Variants in PDGFRA observed in about 807,000 individuals in gnomAD.
PDGFRA encodes platelet-derived growth factor receptor alpha.
Under a neutral mutation model 121.5 loss-of-function variants are expected in PDGFRA, and 25 were observed. That is an observed-to-expected ratio of 0.21 (90% confidence interval 0.15 to 0.29). The LOEUF is 0.29. Ranked by LOEUF, PDGFRA falls within the 10% of genes least tolerant of loss-of-function variation. The probability of loss-of-function intolerance (pLI) is 1.00; values close to 1 mark genes in which losing one functional copy is unlikely to be tolerated. For missense variants in PDGFRA, 1,008 were observed against 1,345.1 expected (o/e 0.75, Z 3.92); for synonymous variants, 463 against 494.8 (o/e 0.94, Z 0.85).
rs2110287626 is a variant in PDGFRA, at chr4:54,272,531, C to A, written c.1364+11C>A. 1.2e-6 allele frequency: 2 copies of A among 1,613,094 alleles called. No homozygotes were observed. ...CAAAGATATTAAGAAGTATGGAAAA[C>A]AGATGTGTCTTCTTCTTTCGTGGTC... On this transcript the variant is annotated intron_variant, in intron 9 of 22. Coordinates refer to ENST00000257290, the MANE Select transcript of PDGFRA (RefSeq NM_006206.6).
intron 4 of PDGFRA, chr4:54,264,524 G>A (rs1722927336): frequency 3.5e-6 from 1 of 285,718 alleles, no homozygotes; most frequent in Non-Finnish European, 6.7e-6. Context: ...CAGAGTGGAA[G>A]AGAAGAAGAG....
intron 7 of PDGFRA, among the ~76,000 whole-genome samples, chr4:54,269,282 C>T (rs1372630089): frequency 6.6e-6 from 1 of 152,114 alleles, no homozygotes; most frequent in Non-Finnish European, 1.5e-5. Flanking sequence ...AATGCTTTCA[C>T]ACATACAATC....
rs948254930 is a variant in PDGFRA at position 54,270,897 on chromosome 4, G to A, written c.1237+149G>A. On this transcript the variant is annotated intron_variant, in intron 8 of 22. Coordinates refer to ENST00000257290, the MANE Select transcript of PDGFRA (RefSeq NM_006206.6). ...TATGTCACATATCGGGAATACCTCTGCTGGACTCATGAATTCAGGTATTTC... is the reference window on the plus strand; with the variant it reads ...TATGTCACATATCGGGAATACCTCTACTGGACTCATGAATTCAGGTATTTC... 1.9e-5 allele frequency: 13 copies of A among 678,812 alleles called. No individual in the cohort carries two copies. The Admixed American group carries it at 2.5e-4, about 13-fold the overall frequency. 42.0% of individuals were successfully genotyped at this position (678,812 alleles called of 1,614,324 possible). A position where few individuals can be genotyped will look rare whatever the true frequency, so the allele number is the denominator to read the frequency against.
At chr4:54,236,555 G>C (rs1360375202) in intron 1 of PDGFRA, among the ~76,000 whole-genome samples, 6 of 152,200 alleles carry the variant, frequency 3.9e-5, no homozygotes, top group Non-Finnish European at 8.8e-5. Flanking sequence ...TGTAATCCCA[G>C]CACTTTGGGA....
chr4:54,253,228 A>C (rs1722157323), intron 1 of PDGFRA, among the ~76,000 whole-genome samples: 1 of 152,148 alleles, frequency 6.6e-6, no homozygotes, highest in African/African-American at 2.4e-5. Context: ...ATTCTGAAAT[A>C]TTATGGGAGT....
chr4:54,240,111 C>G (rs963233490), intron 1 of PDGFRA: 1 of 402,554 alleles, frequency 2.5e-6, no homozygotes, highest in Admixed American at 2.5e-5. Context: ...CCTCAGCTTC[C>G]CAAGGTACTG....
chr4:54,278,067 C>A, intron 14 of PDGFRA, 61 bp downstream of exon 14: 2 of 1,026,330 alleles, frequency 1.9e-6, no homozygotes, highest in South Asian at 1.3e-5. Context: ...GAAAACTGTT[C>A]AATCAGGCTT....
chr4:54,243,217 A>G (rs1445890234), intron 1 of PDGFRA, among the ~76,000 whole-genome samples: 2 of 152,154 alleles, frequency 1.3e-5, no homozygotes, highest in African/African-American at 4.8e-5. Context: ...GTGCACTTCT[A>G]TGCACTTCTG....
chr4:54,243,361 A>G (rs1006401594), intron 1 of PDGFRA, among the ~76,000 whole-genome samples: 23 of 152,314 alleles, frequency 1.5e-4, no homozygotes, highest in African/African-American at 5.1e-4. Context: ...AGTTTTACCT[A>G]CAAGATATGT....
At chr4:54,258,234 G>T (rs1349984485) in intron 1 of PDGFRA, among the ~76,000 whole-genome samples, 1 of 152,116 alleles carries the variant, frequency 6.6e-6, no homozygotes, top group Non-Finnish European at 1.5e-5. Flanking sequence ...CCCCGGCTGG[G>T]TGCCCAGGTC....
chr4:54,272,440 T>G lies in PDGFRA; in HGVS notation c.1284T>G (p.Thr428=). The G allele has an allele frequency of 6.2e-7, 1 of 1,614,006 alleles. No individual in the cohort carries two copies. Among genetic ancestry groups the G allele is most frequent in the Non-Finnish European group, 8.5e-7 (1 of 1,179,950 alleles). The change falls in exon 9 of 23, where the codon ACT becomes ACG. Residue 428 remains threonine (T), a synonymous_variant. Coordinates refer to ENST00000257290, the MANE Select transcript of PDGFRA (RefSeq NM_006206.6). Reference sequence around the variant, plus strand: ...TGGTCGATGATCACCATGGCTCAACTGGGGGACAGACGGTGAGGTGCACAG... The same window carrying G: ...TGGTCGATGATCACCATGGCTCAACGGGGGGACAGACGGTGAGGTGCACAG... ...LDLVDDHHGS[T]GGQTVRCTAE... is the part of the protein sequence containing the mutation.
intron 1 of PDGFRA, 94 bp from the exon 2 acceptor site, chr4:54,258,663 T>G (rs1239979836): frequency 2.4e-6 from 2 of 819,698 alleles, no homozygotes; most frequent in Non-Finnish European, 4.4e-6. Flanking sequence ...ATGATGCTGT[T>G]AATATTTTCT....
rs1225730075 is a variant in PDGFRA at position 54,261,174 on chromosome 4, A to G, written c.129A>G (p.Ser43=). The change falls in exon 3 of 23, where the codon TCA becomes TCG. Residue 43 remains serine (S), a synonymous_variant. Transcript: ENST00000257290. ...ATGAAAAGGTTGTGCAGCTGAATTC[A>G]TCCTTTTCTCTGAGATGCTTTGGGG... ...NENEKVVQLN[S]SFSLRCFGES... 7.4e-6 allele frequency: 12 copies of G among 1,614,172 alleles called. No homozygotes were observed. The highest frequency in any genetic ancestry group is 1.0e-5 in the Non-Finnish European group (12 of 1,180,000).
rs10028020 is a variant in PDGFRA, at chr4:54,277,410, G to A, written c.1809G>A (p.Ala603=). Residue 603 remains alanine, a synonymous_variant, in exon 13 of 23, where the codon GCG becomes GCA. Coordinates refer to ENST00000257290, the MANE Select transcript of PDGFRA (RefSeq NM_006206.6). ...LVLGRVLGSG[A]FGKVVEGTAY... is the part of the protein sequence containing the mutation. ...CAGGTCGGGTCTTGGGGTCTGGAGC[G>A]TTTGGGAAGGTGGTTGAAGGAACAG... is the stretch of plus-strand genomic sequence containing the variant. The A allele has an allele frequency of 0.13, 203,254 of 1,612,388 alleles. 16,013 individuals are homozygous for A. The highest frequency in any genetic ancestry group is 0.31 in the African/African-American group (22,932 of 74,820).
intron 15 of PDGFRA, chr4:54,279,087 C>A: frequency 3.2e-6 from 1 of 313,496 alleles, no homozygotes; most frequent in South Asian, 2.6e-5. Flanking sequence ...GCCCAAGCCA[C>A]ATGGCCACAC....
intron 18 of PDGFRA, 63 bp from the exon 19 acceptor site, chr4:54,287,367 T>C (rs1724410928): frequency 1.3e-6 from 1 of 791,098 alleles, no homozygotes; most frequent in Non-Finnish European, 2.3e-6. Flanking sequence ...CCTTTTCTAT[T>C]TCCACTGCTG....
At chr4:54,280,783 G>T in intron 16 of PDGFRA, 1 of 189,072 alleles carries the variant, frequency 5.3e-6, no homozygotes. Flanking sequence ...TATTTATTCT[G>T]ATATAATGAA....
rs1724098674 is a variant in PDGFRA at position 54,281,914 on chromosome 4, C to A, written c.2323+1432C>A. ...TGTGATTGGTGGTTGATTTTATTAA[C>A]AAATTATAAGCAAAGTACTACAAAG... is the stretch of plus-strand genomic sequence containing the variant. On this transcript the variant is annotated intron_variant, in intron 16 of 22. Transcript: ENST00000257290. The A allele has an allele frequency of 2.6e-5, 30 of 1,150,862 alleles. 1 individual carries two copies. In the South Asian group the frequency reaches 7.0e-4, roughly 27 times the overall value. 71.3% of individuals were successfully genotyped at this position (1,150,862 alleles called of 1,614,324 possible). A position where few individuals can be genotyped will look rare whatever the true frequency, so the allele number is the denominator to read the frequency against.
chr4:54,277,551 T>C, intron 13 of PDGFRA, 59 bp downstream of exon 13: 1 of 1,113,066 alleles, frequency 9.0e-7, no homozygotes, highest in Non-Finnish European at 1.4e-6. Context: ...ATGGGGATAT[T>C]AAGGGAATTT....
Sources: allele counts gnomAD v4.1 joint callset (sites outside exome capture counted in the v4.1 genomes callset), GRCh38; gene constraint gnomAD v4.1.1; transcripts MANE v1.5; gene names NCBI Gene and HGNC (gene_info 2026-07-23, HGNC 2026-07-21).